CD2AP: variants seen among roughly 807,000 people sequenced by gnomAD.
CD2AP encodes CD2-associated protein.
In CD2AP, 46 loss-of-function variants were observed where a neutral mutation model predicts 85.1. The observed-to-expected ratio is 0.54, with a 90% CI of 0.43 to 0.69. The LOEUF is 0.69. CD2AP is among the 30% of genes least tolerant of loss of function. The probability of loss-of-function intolerance (pLI) is 0.00; values close to 1 mark genes in which losing one functional copy is unlikely to be tolerated. For synonymous variants in CD2AP, 255 were observed against 252.9 expected (o/e 1.01, Z -0.08); for missense variants, 769 against 729.5 (o/e 1.05, Z -0.62).
At chr6:47,518,585 CA>C (rs1766509296) in intron 2 of CD2AP, among the ~76,000 whole-genome samples, 2 of 152,142 alleles carry the variant, frequency 1.3e-5, no homozygotes, top group South Asian at 4.1e-4. Flanking sequence ...TTCTGAATAT[CA>C]GGGGTAAAGC....
chr6:47,596,135 A>G (rs954756778), intron 12 of CD2AP, 109 bp downstream of exon 12: 3 of 805,650 alleles, frequency 3.7e-6, no homozygotes, highest in Non-Finnish European at 4.2e-6. Flanking sequence ...TTTTTCAGTT[A>G]TATTTATTTT....
intron 2 of CD2AP, among the ~76,000 whole-genome samples, chr6:47,521,065 C>T (rs1766576921): frequency 1.3e-5 from 2 of 151,928 alleles, no homozygotes; most frequent in Non-Finnish European, 1.5e-5. Context: ...TTATTTTTTA[C>T]ATATGTAAGG....
At chr6:47,577,419 CT>C (rs1768343753) in intron 8 of CD2AP, among the ~76,000 whole-genome samples, 1 of 152,026 alleles carries the variant, frequency 6.6e-6, no homozygotes, top group African/African-American at 2.4e-5. Flanking sequence ...TCTTACTTCT[CT>C]TCCACCTCAT....
intron 5 of CD2AP, among the ~76,000 whole-genome samples, chr6:47,573,844 A>G (rs1768225045): frequency 1.3e-5 from 2 of 152,106 alleles, no homozygotes; most frequent in African/African-American, 2.4e-5. Flanking sequence ...TAATTTTACT[A>G]ATTAAATTTA....
At chr6:47,603,845 T>A (rs1769204299) in intron 13 of CD2AP, among the ~76,000 whole-genome samples, 1 of 152,096 alleles carries the variant, frequency 6.6e-6, no homozygotes, top group Non-Finnish European at 1.5e-5. Flanking sequence ...AAGATGAAAG[T>A]TTATAAAGCA....
At chr6:47,568,451 C>T (rs986126278) in intron 5 of CD2AP, among the ~76,000 whole-genome samples, 7 of 151,932 alleles carry the variant, frequency 4.6e-5, no homozygotes, top group African/African-American at 1.5e-4. Flanking sequence ...GTATAAGAAA[C>T]GATGAGTAGG....
Position 47,570,409 on chromosome 6 carries a change from G to A in CD2AP, c.542-3655G>A, listed in dbSNP as rs915373586. Among the ~76,000 whole-genome samples the A allele has an allele frequency of 7.9e-5, 12 of 152,254 alleles. No homozygotes were observed. The South Asian group carries it at 2.5e-3, about 32-fold the overall frequency. ...AAGCATAGCAATTCAAGGACAATCA[G>A]ATGGGTAAAGTATATGGGTATTAAA... On this transcript the variant is annotated intron_variant, in intron 5 of 17. Transcript: ENST00000359314.
At chr6:47,501,665 GGT>G (rs140480387) in intron 1 of CD2AP, among the ~76,000 whole-genome samples, 11,493 of 150,358 alleles carry the variant, frequency 0.076, 451 homozygotes, top group South Asian at 0.13. Flanking sequence ...TGTGGTTGTT[GGT>G]GTGTGTGTGT....
At chr6:47,507,994 C>A (rs1766218679) in intron 2 of CD2AP, among the ~76,000 whole-genome samples, 1 of 152,174 alleles carries the variant, frequency 6.6e-6, no homozygotes, top group Non-Finnish European at 1.5e-5. Flanking sequence ...GTGCTGTCAT[C>A]TAGGCTTTGG....
chr6:47,535,409 A>C (rs1767010979), intron 3 of CD2AP, among the ~76,000 whole-genome samples: 1 of 152,162 alleles, frequency 6.6e-6, no homozygotes, highest in Non-Finnish European at 1.5e-5. Context: ...GCTATTAATA[A>C]TTTTTATAGA....
intron 4 of CD2AP, among the ~76,000 whole-genome samples, chr6:47,553,513 ATTTTTTTTTTTT>A (rs148273065): frequency 9.0e-6 from 1 of 110,516 alleles, no homozygotes; most frequent in Non-Finnish European, 1.8e-5. Context: ...CACCTAGTGA[ATTTTTTTTTTTT>A]TTTTTTTTTT....
chr6:47,540,469 T>A (rs1359396082), intron 3 of CD2AP, among the ~76,000 whole-genome samples: 3 of 152,202 alleles, frequency 2.0e-5, no homozygotes, highest in Non-Finnish European at 4.4e-5. Context: ...GTGGAATTAT[T>A]TTTTTCTTTT....
At chr6:47,499,219 A>T (rs1034168520) in intron 1 of CD2AP, among the ~76,000 whole-genome samples, 2 of 152,070 alleles carry the variant, frequency 1.3e-5, no homozygotes, top group African/African-American at 4.8e-5. Context: ...GGTGGTATTT[A>T]TGAAGTCGTG....
At chr6:47,547,852 G>A (rs779704748) in intron 4 of CD2AP, among the ~76,000 whole-genome samples, 1 of 151,922 alleles carries the variant, frequency 6.6e-6, no homozygotes, top group Non-Finnish European at 1.5e-5. Context: ...AAATAAAACT[G>A]GAAATCAACT....
intron 11 of CD2AP, among the ~76,000 whole-genome samples, chr6:47,595,327 A>G (rs1768909714): frequency 6.6e-6 from 1 of 152,052 alleles, no homozygotes; most frequent in South Asian, 2.1e-4. Flanking sequence ...AAGAATTACA[A>G]ATATAAGCCT....
chr6:47,530,036 C>T (rs961026832), intron 2 of CD2AP, among the ~76,000 whole-genome samples: 1 of 152,166 alleles, frequency 6.6e-6, no homozygotes, highest in Admixed American at 6.5e-5. Context: ...TTCTCTGTAC[C>T]TTGCTAACTC....
intron 1 of CD2AP, among the ~76,000 whole-genome samples, chr6:47,500,634 C>T (rs1350033506): frequency 1.3e-5 from 2 of 152,142 alleles, no homozygotes; most frequent in Non-Finnish European, 2.9e-5. Context: ...CTTTTTTCTC[C>T]TCCACGTTAA....
chr6:47,578,803 C>T (rs970643844), intron 8 of CD2AP, among the ~76,000 whole-genome samples: 2 of 151,786 alleles, frequency 1.3e-5, no homozygotes, highest in East Asian at 1.9e-4. Flanking sequence ...ACTACAGGCG[C>T]CTGTCACGAT....
intron 8 of CD2AP, 56 bp from the exon 9 acceptor site, chr6:47,579,329 T>A: frequency 1.1e-6 from 1 of 885,622 alleles, no homozygotes; most frequent in Non-Finnish European, 1.7e-6. Context: ...AGCAACACTT[T>A]ATCTTAAAAA....
Sources: gnomAD v4.1 joint callset for allele counts (sites outside exome capture counted in the v4.1 genomes callset) on GRCh38, gnomAD v4.1.1 for gene constraint, MANE v1.5 for transcripts, NCBI Gene and HGNC (gene_info 2026-07-23, HGNC 2026-07-21) for gene names.